PTPMT1: variants seen among roughly 807,000 people sequenced by gnomAD.
PTPMT1 encodes the protein protein tyrosine phosphatase mitochondrial 1, also known as phosphatidylglycerophosphatase and protein-tyrosine phosphatase 1.
In PTPMT1, 12 loss-of-function variants were observed where a neutral mutation model predicts 17.8. The ratio of observed to expected loss-of-function variants is 0.67; its 90% CI spans 0.43 to 1.09. The LOEUF (loss-of-function observed/expected upper bound fraction) is 1.09, where lower values mean the gene tolerates loss of function less well. Among genes scored for constraint, PTPMT1 ranks in the 50% least tolerant of loss-of-function variants. The pLI is 0.00. For missense variants in PTPMT1, 262 were observed against 266.0 expected (o/e 0.99, Z 0.10); for synonymous variants, 132 against 116.8 (o/e 1.13, Z -0.84).
Position 47,572,828 on chromosome 11 carries a change from T to C in PTPMT1, c.*1199T>C, listed in dbSNP as rs2097251617. 8 of 1,280,018 alleles carry C rather than the reference T, an allele frequency of 6.2e-6. No homozygotes were observed. In the Admixed American group the frequency reaches 1.9e-4, roughly 31 times the overall value. The allele number at this position is 1,280,018 out of a possible 1,614,324, so 79.3% of individuals were successfully genotyped here. Reference sequence around the variant, plus strand: ...AAGGGCTGAGGCACTGCCTTTCTAGTATGTGCCAAAAAAAACATAACTCTG... The same window carrying C: ...AAGGGCTGAGGCACTGCCTTTCTAGCATGTGCCAAAAAAAACATAACTCTG... On this transcript the variant is annotated 3_prime_UTR_variant, in exon 4 of 4. Coordinates refer to ENST00000326674, the MANE Select transcript of PTPMT1 (RefSeq NM_175732.3).
chr11:47,566,070 G>T lies in PTPMT1; in HGVS notation c.255+84G>T, dbSNP rs1405650015. ...GAGCCTGGGACGGCTAGAGAAGTGT[G>T]GGGGAGGTCACCATGCACCGGAGCC... On this transcript the variant is annotated intron_variant, in intron 2 of 3. Coordinates refer to ENST00000326674, the MANE Select transcript of PTPMT1 (RefSeq NM_175732.3). 5 of 1,422,076 alleles carry T rather than the reference G, an allele frequency of 3.5e-6. No homozygotes were observed. The South Asian group carries it at 4.5e-5, about 13-fold the overall frequency. 88.1% of individuals were successfully genotyped at this position (1,422,076 alleles called of 1,614,324 possible).
Position 47,572,185 on chromosome 11 carries a change from C to T in PTPMT1, c.*556C>T, listed in dbSNP as rs2153793216. On this transcript the variant is annotated 3_prime_UTR_variant, in exon 4 of 4. Coordinates refer to ENST00000326674, the MANE Select transcript of PTPMT1 (RefSeq NM_175732.3). ...AAAGTCACCCCTTTGGAATTCAACA[C>T]AGACACACATATCCCTTCAAAAACT... is the stretch of plus-strand genomic sequence containing the variant. 6.5e-6 allele frequency: 1 copy of T among 153,204 alleles called. No homozygotes were observed. The highest frequency in any genetic ancestry group is 2.4e-5 in the African/African-American group (1 of 41,586). 9.5% of individuals were successfully genotyped at this position (153,204 alleles called of 1,614,324 possible). A position where few individuals can be genotyped will look rare whatever the true frequency, so the allele number is the denominator to read the frequency against.
Position 47,573,402 on chromosome 11 carries a change from G to C in PTPMT1, c.*1773G>C, listed in dbSNP as rs2097253319. ...CCCTGACACAGCCACCTCTAGCTGA[G>C]TTGTCTCTGTCCACACATTATCACC... On this transcript the variant is annotated 3_prime_UTR_variant, in exon 4 of 4. Transcript: ENST00000326674. The surrounding 1 kb of genome is among the most constrained non-coding windows in gnomAD (Gnocchi z 4.1). The C allele has an allele frequency of 6.2e-7, 1 of 1,614,076 alleles. No individual in the cohort carries two copies. Among genetic ancestry groups the C allele is most frequent in the African/African-American group, 1.3e-5 (1 of 74,910 alleles).
rs1359117269 is a variant in PTPMT1, at chr11:47,571,747, A to G, written c.*118A>G. ...CGTAACAGAAATGTGCCAATAGGTA[A>G]TAGGTAATTTTTCTTTCTCTGACTT... On this transcript the variant is annotated 3_prime_UTR_variant, in exon 4 of 4. Coordinates refer to ENST00000326674, the MANE Select transcript of PTPMT1 (RefSeq NM_175732.3). 1.6e-5 allele frequency: 14 copies of G among 903,172 alleles called. No individual in the cohort carries two copies. Among genetic ancestry groups the G allele is most frequent in the South Asian group, 1.2e-4 (7 of 60,380 alleles). 55.9% of individuals were successfully genotyped at this position (903,172 alleles called of 1,614,324 possible).
chr11:47,566,395 A>G (rs2097244384), intron 2 of PTPMT1, among the ~76,000 whole-genome samples: 1 of 151,410 alleles, frequency 6.6e-6, no homozygotes, highest in African/African-American at 2.4e-5. Flanking sequence ...AGGCAGGAGA[A>G]TCACTTTAGC....
chr11:47,565,903 C>A lies in PTPMT1; in HGVS notation c.175-3C>A. The A allele has an allele frequency of 6.2e-7, 1 of 1,612,450 alleles. No individual in the cohort carries two copies. The highest frequency in any genetic ancestry group is 8.5e-7 in the Non-Finnish European group (1 of 1,179,456). On this transcript the variant is annotated splice_polypyrimidine_tract_variant and splice_region_variant and intron_variant, in intron 1 of 3. Transcript: ENST00000326674. ...TTGCTGAGCCACCTCTTTGCCTCGG[C>A]AGCTGGTACAGGACGAGAACGTGCG... is the stretch of plus-strand genomic sequence containing the variant.
At chr11:47,568,625 G>A (rs2097247670) in intron 2 of PTPMT1, among the ~76,000 whole-genome samples, 1 of 152,064 alleles carries the variant, frequency 6.6e-6, no homozygotes, top group Admixed American at 6.6e-5. Flanking sequence ...GAGGCTGCAA[G>A]GAGCCATGAT....
At chr11:47,565,875 T>A (rs959347845) in intron 1 of PTPMT1, 31 bp from the exon 2 acceptor site, 3 of 1,611,756 alleles carry the variant, frequency 1.9e-6, no homozygotes, top group Non-Finnish European at 2.5e-6. Context: ...GTCTCCACCG[T>A]CTTTGCTGAG....
At chr11:47,567,553 T>TA in intron 2 of PTPMT1, among the ~76,000 whole-genome samples, 1 of 137,330 alleles carries the variant, frequency 7.3e-6, no homozygotes, top group Non-Finnish European at 1.7e-5. Context: ...TATTTCTATT[T>TA]CTTTTCTTTT....
intron 2 of PTPMT1, among the ~76,000 whole-genome samples, chr11:47,566,801 T>G (rs972101453): frequency 1.3e-5 from 2 of 152,134 alleles, no homozygotes; most frequent in Admixed American, 1.3e-4. Context: ...GGCTCTGATT[T>G]GGGGGAATTT....
At chr11:47,570,504 G>A (rs1461937088) in intron 3 of PTPMT1, among the ~76,000 whole-genome samples, 1 of 152,164 alleles carries the variant, frequency 6.6e-6, no homozygotes. Flanking sequence ...TAAAAACGGA[G>A]TTGCAAAAGC....
Position 47,565,766 on chromosome 11 carries a change from C to A in PTPMT1, c.144C>A (p.Gly48=), listed in dbSNP as rs1451451565. ...GCATCGACCCCACCGTGCTGCTGGG[C>A]GCGCTGCCGTTGCGGAGCTTGACGC... ...YHRIDPTVLL[G]ALPLRSLTRQ... Residue 48 remains glycine, a synonymous_variant, in exon 1 of 4, where the codon GGC becomes GGA. Transcript: ENST00000326674. The A allele has an allele frequency of 5.6e-6, 9 of 1,594,062 alleles. No homozygotes were observed. Among genetic ancestry groups the A allele is most frequent in the Non-Finnish European group, 6.8e-6 (8 of 1,171,702 alleles).
rs376452132 is a variant in PTPMT1 at position 47,566,439 on chromosome 11, C to A, written c.255+453C>A. Among the ~76,000 whole-genome samples, 229 of 149,094 alleles carry A rather than the reference C, an allele frequency of 1.5e-3. 6 individuals carry two copies. The South Asian group carries it at 0.047, about 31-fold the overall frequency. ...TGGAGGTTGCAGTGAGCCGACATCT[C>A]GCCATTGCATTCCAGCCCAGCCTTG... is the stretch of plus-strand genomic sequence containing the variant. On this transcript the variant is annotated intron_variant, in intron 2 of 3. Coordinates refer to ENST00000326674, the MANE Select transcript of PTPMT1 (RefSeq NM_175732.3).
chr11:47,572,979 G>A lies in PTPMT1; in HGVS notation c.*1350G>A, dbSNP rs1451160652. 1 of 1,614,074 alleles carries A rather than the reference G, an allele frequency of 6.2e-7. No homozygotes were observed. Among genetic ancestry groups the A allele is most frequent in the Non-Finnish European group, 8.5e-7 (1 of 1,180,044 alleles). ...GGTAAGCAGCACCTTAATACCTCTT[G>A]TGACAGTTACGGCTGAAGTGGCAGG... On this transcript the variant is annotated 3_prime_UTR_variant, in exon 4 of 4. Coordinates refer to ENST00000326674, the MANE Select transcript of PTPMT1 (RefSeq NM_175732.3).
rs190805562 is a variant in PTPMT1 at position 47,572,558 on chromosome 11, A to G, written c.*929A>G. ...CTAGCCATTTCACAGGCTATAGAACAAAAGTACAATTGGGCATCTTTCCTT... is the reference window on the plus strand; with the variant it reads ...CTAGCCATTTCACAGGCTATAGAACGAAAGTACAATTGGGCATCTTTCCTT... On this transcript the variant is annotated 3_prime_UTR_variant, in exon 4 of 4. Transcript: ENST00000326674. 5 of 211,542 alleles carry G rather than the reference A, an allele frequency of 2.4e-5. No homozygotes were observed. The highest frequency in any genetic ancestry group is 4.8e-5 in the Non-Finnish European group (5 of 105,144). The allele number at this position is 211,542 out of a possible 1,614,324, so 13.1% of individuals were successfully genotyped here.
chr11:47,568,986 C>T (rs547536956), intron 2 of PTPMT1, among the ~76,000 whole-genome samples: 73 of 151,884 alleles, frequency 4.8e-4, no homozygotes, highest in African/African-American at 1.5e-3. Context: ...CCACCATGCC[C>T]GGCCAAAATA....
chr11:47,568,304 G>C (rs1158903013), intron 2 of PTPMT1, among the ~76,000 whole-genome samples: 1 of 152,114 alleles, frequency 6.6e-6, no homozygotes, highest in African/African-American at 2.4e-5. Context: ...CTTATGGACA[G>C]AGAAATAGAA....
chr11:47,573,073 A>G lies in PTPMT1; in HGVS notation c.*1444A>G. On this transcript the variant is annotated 3_prime_UTR_variant, in exon 4 of 4. Coordinates refer to ENST00000326674, the MANE Select transcript of PTPMT1 (RefSeq NM_175732.3). The surrounding 1 kb of genome is among the most constrained non-coding windows in gnomAD (Gnocchi z 4.1). ...CGGAAGACATAGATGCTCCCGTTAC[A>G]GCTGGCAATCTTCCAGAGGGATGGG... The G allele has an allele frequency of 6.2e-7, 1 of 1,614,172 alleles. No homozygotes were observed. The highest frequency in any genetic ancestry group is 8.5e-7 in the Non-Finnish European group (1 of 1,180,034).
At chr11:47,566,432 G>A (rs183992965) in intron 2 of PTPMT1, among the ~76,000 whole-genome samples, 2 of 145,088 alleles carry the variant, frequency 1.4e-5, no homozygotes, top group Admixed American at 7.1e-5. Flanking sequence ...GCAGTGAGCC[G>A]ACATCTCGCC....
Sources: gnomAD v4.1 joint callset for allele counts (sites outside exome capture counted in the v4.1 genomes callset) on GRCh38, gnomAD v4.1.1 for gene constraint, Gnocchi (gnomAD v3.1) non-coding constraint, MANE v1.5 for transcripts, NCBI Gene and HGNC (gene_info 2026-07-23, HGNC 2026-07-21) for gene names.